MATCAP2: variants seen among roughly 807,000 people sequenced by gnomAD.
The protein encoded by MATCAP2 is microtubule associated tyrosine carboxypeptidase 2, also known as putative tyrosine carboxypeptidase MATCAP2.
At chr7:36,350,132 A>G in the MATCAP2 span, among the ~76,000 whole-genome samples, 1 of 152,230 alleles carries the variant, frequency 6.6e-6, no homozygotes, top group African/African-American at 2.4e-5. Context: ...AGATAAAATA[A>G]TATTTCAATA....
At chr7:36,336,192 C>T in the MATCAP2 span, 21 of 1,536,412 alleles carry the variant, frequency 1.4e-5, no homozygotes, top group African/African-American at 1.4e-4. Context: ...TACTTCCTAA[C>T]GTGACTCCAG....
At chr7:36,347,212 GA>G in the MATCAP2 span, among the ~76,000 whole-genome samples, 527 of 151,710 alleles carry the variant, frequency 3.5e-3, 1 homozygote, top group African/African-American at 0.012. Flanking sequence ...CACTAATCTA[GA>G]AAAAAAAGTT....
the MATCAP2 span, among the ~76,000 whole-genome samples, chr7:36,360,897 A>G: frequency 6.6e-6 from 1 of 152,186 alleles, no homozygotes; most frequent in Non-Finnish European, 1.5e-5. Context: ...GAAAAGTAAT[A>G]AGGTAATTAA....
chr7:36,331,144 C>A, the MATCAP2 span: 1 of 921,952 alleles, frequency 1.1e-6, no homozygotes, highest in South Asian at 1.4e-5. Context: ...GATATCAACC[C>A]ATTCCATTTA....
chr7:36,366,934 C>A, the MATCAP2 span: 1 of 1,386,248 alleles, frequency 7.2e-7, no homozygotes, highest in Admixed American at 3.6e-5. Flanking sequence ...CGAATGGACT[C>A]CAGCATCGTC....
At chr7:36,330,725 T>A in the MATCAP2 span, among the ~76,000 whole-genome samples, 1 of 152,238 alleles carries the variant, frequency 6.6e-6, no homozygotes, top group African/African-American at 2.4e-5. Flanking sequence ...TAGAAAAATA[T>A]GTATACACAA....
At chr7:36,330,447 G>A in the MATCAP2 span, among the ~76,000 whole-genome samples, 1 of 151,810 alleles carries the variant, frequency 6.6e-6, no homozygotes, top group African/African-American at 2.4e-5. Context: ...GAGGCAAGGG[G>A]AGACTATCAC....
chr7:36,381,819 G>C, the MATCAP2 span, among the ~76,000 whole-genome samples: 127 of 152,272 alleles, frequency 8.3e-4, no homozygotes, highest in African/African-American at 2.9e-3. Flanking sequence ...CAGGAAAGAG[G>C]AGAGTGAAAG....
the MATCAP2 span, among the ~76,000 whole-genome samples, chr7:36,359,764 G>A: frequency 1.3e-5 from 2 of 152,178 alleles, no homozygotes; most frequent in East Asian, 1.9e-4. Context: ...ATAGACTTAC[G>A]TGTTGCCAAC....
the MATCAP2 span, chr7:36,335,272 ACT>A: frequency 2.5e-6 from 3 of 1,185,538 alleles, no homozygotes; most frequent in East Asian, 7.6e-5. Context: ...GTAAATTAAC[ACT>A]GTTTTTTGTT....
At chr7:36,365,661 T>G in the MATCAP2 span, among the ~76,000 whole-genome samples, 2 of 152,202 alleles carry the variant, frequency 1.3e-5, no homozygotes, top group East Asian at 3.8e-4. Flanking sequence ...ACAGCGCCAC[T>G]GCACTCCACC....
At chr7:36,343,365 G>A in the MATCAP2 span, among the ~76,000 whole-genome samples, 1 of 74,972 alleles carries the variant, frequency 1.3e-5, no homozygotes, top group Non-Finnish European at 2.6e-5. Flanking sequence ...GGGAAGGGAG[G>A]AGAGAGGAGG....
chr7:36,347,306 C>G, the MATCAP2 span, among the ~76,000 whole-genome samples: 2 of 152,054 alleles, frequency 1.3e-5, no homozygotes, highest in Admixed American at 1.3e-4. Flanking sequence ...TTTTGGTTTA[C>G]TTGCTGATTT....
chr7:36,367,879 CAT>C, the MATCAP2 span, among the ~76,000 whole-genome samples: 1 of 152,124 alleles, frequency 6.6e-6, no homozygotes, highest in Non-Finnish European at 1.5e-5. Flanking sequence ...GCCTGGGCCA[CAT>C]GGCGAAAACC....
At chr7:36,365,559 G>C in the MATCAP2 span, among the ~76,000 whole-genome samples, 1 of 152,166 alleles carries the variant, frequency 6.6e-6, no homozygotes, top group Non-Finnish European at 1.5e-5. Context: ...AATCCGGCGG[G>C]CGTGGTAGCA....
chr7:36,357,258 G>A, the MATCAP2 span: 3 of 1,614,002 alleles, frequency 1.9e-6, no homozygotes, highest in Non-Finnish European at 2.5e-6. Context: ...AAAACAGCAG[G>A]CCGCCTCTCC....
chr7:36,362,684 C>T, the MATCAP2 span, among the ~76,000 whole-genome samples: 2 of 152,226 alleles, frequency 1.3e-5, no homozygotes, highest in South Asian at 4.1e-4. Flanking sequence ...CCACTCCAGC[C>T]TTCTCTCACT....
the MATCAP2 span, among the ~76,000 whole-genome samples, chr7:36,364,875 T>A: frequency 3.9e-5 from 6 of 152,202 alleles, no homozygotes; most frequent in Admixed American, 2.0e-4. Context: ...CAGTTATTTT[T>A]AAAGGAATTG....
chr7:36,342,149 G>A, the MATCAP2 span, among the ~76,000 whole-genome samples: 4 of 151,456 alleles, frequency 2.6e-5, no homozygotes, highest in African/African-American at 9.7e-5. Context: ...CAATGTTTTG[G>A]TGGAGTATAG....
Sources: gnomAD v4.1 joint callset for allele counts (sites outside exome capture counted in the v4.1 genomes callset) on GRCh38, gnomAD v4.1.1 for gene constraint, MANE v1.5 for transcripts, NCBI Gene and HGNC (gene_info 2026-07-23, HGNC 2026-07-21) for gene names.